STK24: variants seen among roughly 807,000 people sequenced by gnomAD.
STK24 encodes serine/threonine-protein kinase 24.
Under a neutral mutation model 55.6 loss-of-function variants are expected in STK24, and 21 were observed. The observed-to-expected ratio is 0.38, with a 90% CI of 0.27 to 0.54. The LOEUF is 0.54. STK24 is among the 20% of genes least tolerant of loss of function. The probability of loss-of-function intolerance (pLI) is 0.79; values close to 1 mark genes in which losing one functional copy is unlikely to be tolerated. For synonymous variants in STK24, 200 were observed against 215.2 expected (o/e 0.93, Z 0.62); for missense variants, 383 against 538.4 (o/e 0.71, Z 2.86).
At chr13:98,457,147 A>G (rs1478478047) in intron 10 of STK24, 21 bp downstream of exon 10, 1 of 1,605,774 alleles carries the variant, frequency 6.2e-7, no homozygotes, top group East Asian at 2.2e-5. Flanking sequence ...TCCCCAGCCC[A>G]GAGGGGCCCT....
rs1594635572 is a variant in STK24, at chr13:98,520,672, C to T, written c.43-1199G>A. ...CTCATGAGTGACGTGAGCCTCAGGG[C>T]CCATCAGGGGCCACCCAGCCACAGC... On this transcript the variant is annotated intron_variant, in intron 1 of 10. Coordinates refer to ENST00000539966, the MANE Select transcript of STK24 (RefSeq NM_001032296.4). 2.0e-5 allele frequency among the ~76,000 whole-genome samples: 3 copies of T among 152,370 alleles called. No individual in the cohort carries two copies. In the South Asian group the frequency reaches 6.2e-4, roughly 32 times the overall value.
At chr13:98,517,668 C>G (rs75375748) in intron 2 of STK24, among the ~76,000 whole-genome samples, 2,619 of 152,220 alleles carry the variant, frequency 0.017, 30 homozygotes, top group South Asian at 0.028. Flanking sequence ...TGCTGGCATT[C>G]CCCCACGGAA....
intron 5 of STK24, among the ~76,000 whole-genome samples, chr13:98,469,666 G>A (rs1390336981): frequency 6.6e-6 from 1 of 152,038 alleles, no homozygotes; most frequent in Admixed American, 6.6e-5. Flanking sequence ...AACCCAGGGT[G>A]TATGGTTCCT....
chr13:98,525,950 C>T (rs1896414729), intron 1 of STK24, among the ~76,000 whole-genome samples: 1 of 152,220 alleles, frequency 6.6e-6, no homozygotes, highest in Non-Finnish European at 1.5e-5. Flanking sequence ...AACAGCCCAA[C>T]TTCCCCTTCT....
chr13:98,488,903 A>C (rs765517096), intron 2 of STK24, among the ~76,000 whole-genome samples: 3 of 152,254 alleles, frequency 2.0e-5, no homozygotes, highest in Non-Finnish European at 2.9e-5. Context: ...TGCACCTGAA[A>C]TGCCCTTGGC....
At chr13:98,535,679 T>C (rs1171771538) in intron 1 of STK24, among the ~76,000 whole-genome samples, 1 of 152,128 alleles carries the variant, frequency 6.6e-6, no homozygotes, top group African/African-American at 2.4e-5. Context: ...ACTGTCCTCA[T>C]TACACAGCTG....
At chr13:98,501,331 G>T (rs1290381943) in intron 2 of STK24, among the ~76,000 whole-genome samples, 1 of 152,204 alleles carries the variant, frequency 6.6e-6, no homozygotes, top group African/African-American at 2.4e-5. Context: ...AACTGTGCAA[G>T]GCCCAATCCT....
chr13:98,561,566 A>G (rs1897419807), intron 1 of STK24, among the ~76,000 whole-genome samples: 2 of 152,072 alleles, frequency 1.3e-5, no homozygotes, highest in South Asian at 4.1e-4. Context: ...AGGGCAACAG[A>G]GTGAGACTGT....
intron 1 of STK24, among the ~76,000 whole-genome samples, chr13:98,539,625 T>C (rs559472511): frequency 7.2e-5 from 11 of 152,298 alleles, no homozygotes; most frequent in African/African-American, 2.6e-4. Context: ...TGCATCATTA[T>C]TTCTCTCTTA....
chr13:98,474,588 T>C (rs1452185686), intron 5 of STK24, among the ~76,000 whole-genome samples: 1 of 151,692 alleles, frequency 6.6e-6, no homozygotes, highest in Non-Finnish European at 1.5e-5. Flanking sequence ...CAAACAAACA[T>C]AGCCTGAGTT....
chr13:98,520,749 G>A (rs1209400501), intron 1 of STK24, among the ~76,000 whole-genome samples: 1 of 152,252 alleles, frequency 6.6e-6, no homozygotes, highest in African/African-American at 2.4e-5. Flanking sequence ...CAAGAGAACT[G>A]TTGAAAGCCA....
intron 2 of STK24, among the ~76,000 whole-genome samples, chr13:98,484,253 G>A (rs950460023): frequency 5.3e-5 from 8 of 152,172 alleles, no homozygotes; most frequent in Non-Finnish European, 1.0e-4. Context: ...GCTCTTCCAG[G>A]AAAACACCAG....
intron 1 of STK24, among the ~76,000 whole-genome samples, chr13:98,570,274 G>A (rs370214140): frequency 1.3e-5 from 2 of 152,160 alleles, no homozygotes; most frequent in African/African-American, 4.8e-5. Flanking sequence ...AGAAATGGCG[G>A]GAGGTGGAAG....
At chr13:98,537,618 G>C (rs1423218176) in intron 1 of STK24, among the ~76,000 whole-genome samples, 1 of 152,182 alleles carries the variant, frequency 6.6e-6, no homozygotes, top group African/African-American at 2.4e-5. Flanking sequence ...AGCCCAGGAA[G>C]CAGCAAGCAG....
At chr13:98,551,082 C>T (rs1444395108) in intron 1 of STK24, among the ~76,000 whole-genome samples, 1 of 151,962 alleles carries the variant, frequency 6.6e-6, no homozygotes, top group Non-Finnish European at 1.5e-5. Flanking sequence ...GTCAGGAGAT[C>T]GAGACCATCC....
At position 98,453,047 on chromosome 13, in the gene STK24, C is replaced by CG. The variant is rs1048081659; in HGVS notation, c.*125dup. ...TGTGTGTCCCTGGACGGGCGCCTGG[C>CG]GCTGGGGTGGCTCCCAGTGGCGCAC... is the stretch of plus-strand genomic sequence containing the variant. On this transcript the variant is annotated 3_prime_UTR_variant, in exon 11 of 11. Transcript: ENST00000539966. 2.1e-4 allele frequency: 219 copies of CG among 1,067,246 alleles called. No homozygotes were observed. The highest frequency in any genetic ancestry group is 2.9e-4 in the Non-Finnish European group (210 of 724,850). The allele number at this position is 1,067,246 out of a possible 1,614,324, so 66.1% of individuals were successfully genotyped here.
chr13:98,477,642 T>C (rs551648790), intron 3 of STK24, among the ~76,000 whole-genome samples: 2 of 147,282 alleles, frequency 1.4e-5, no homozygotes, highest in Admixed American at 6.9e-5. Flanking sequence ...ACCATTGCAC[T>C]CCAGCCTGGG....
intron 1 of STK24, among the ~76,000 whole-genome samples, chr13:98,574,297 GTCTT>G (rs1897818745): frequency 6.6e-6 from 1 of 152,184 alleles, no homozygotes; most frequent in Admixed American, 6.5e-5. Context: ...AGACTCTGCT[GTCTT>G]TCTAAGCCAA....
intron 1 of STK24, among the ~76,000 whole-genome samples, 160 bp downstream of exon 1, chr13:98,576,585 G>GGGACTC (rs1408972133): frequency 7.2e-5 from 11 of 151,830 alleles, no homozygotes; most frequent in Non-Finnish European, 1.3e-4. Context: ...GGGACGCCCA[G>GGGACTC]GGACTCGGAC....
Sources: allele counts gnomAD v4.1 joint callset (sites outside exome capture counted in the v4.1 genomes callset), GRCh38; gene constraint gnomAD v4.1.1; transcripts MANE v1.5; gene names NCBI Gene and HGNC (gene_info 2026-07-23, HGNC 2026-07-21).